ASTN2: variants seen among roughly 807,000 people sequenced by gnomAD.
The protein encoded by ASTN2 is astrotactin-2.
Under a neutral mutation model 139.8 loss-of-function variants are expected in ASTN2, and 54 were observed. The ratio of observed to expected loss-of-function variants is 0.39; its 90% CI spans 0.31 to 0.48. The LOEUF (loss-of-function observed/expected upper bound fraction) is 0.48, where lower values mean the gene tolerates loss of function less well. Ranked by LOEUF, ASTN2 falls within the 20% of genes least tolerant of loss-of-function variation. The probability of loss-of-function intolerance (pLI) is 0.95; values close to 1 mark genes in which losing one functional copy is unlikely to be tolerated. For synonymous variants in ASTN2, 756 were observed against 719.5 expected (o/e 1.05, Z -0.81); for missense variants, 1,565 against 1,725.1 (o/e 0.91, Z 1.64).
At chr9:116,823,480 T>A (rs1287143161) in intron 11 of ASTN2, among the ~76,000 whole-genome samples, 1 of 152,218 alleles carries the variant, frequency 6.6e-6, no homozygotes, top group Non-Finnish European at 1.5e-5. Context: ...GAAGTTAGAA[T>A]AAGGCAGGGC....
In ASTN2 at chr9:116,990,787, C is replaced by A. The variant is rs975264810; in HGVS notation, c.1592-14002G>T. Among the ~76,000 whole-genome samples the A allele has an allele frequency of 3.3e-5, 5 of 152,266 alleles. No homozygotes were observed. In the South Asian group the frequency reaches 6.2e-4, roughly 19 times the overall value. On this transcript the variant is annotated intron_variant, in intron 7 of 22. Coordinates refer to ENST00000313400, the MANE Select transcript of ASTN2 (RefSeq NM_001365068.1). ...CATTTCCTGGGATATAATGGAGAAT[C>A]ATTGTGAGTCATTAAAATTAAGCAA...
At chr9:116,519,379 G>A (rs1261067735) in intron 19 of ASTN2, among the ~76,000 whole-genome samples, 3 of 151,878 alleles carry the variant, frequency 2.0e-5, no homozygotes, top group African/African-American at 4.8e-5. Context: ...CAAATACATG[G>A]AAATTAAATA....
chr9:116,489,200 A>G (rs1223988817), intron 19 of ASTN2, among the ~76,000 whole-genome samples: 2 of 152,228 alleles, frequency 1.3e-5, no homozygotes, highest in African/African-American at 4.8e-5. Context: ...CTCGTGTTTC[A>G]GAAGATTAGG....
intron 19 of ASTN2, among the ~76,000 whole-genome samples, chr9:116,528,078 G>T (rs558446779): frequency 7.9e-5 from 12 of 152,162 alleles, no homozygotes; most frequent in African/African-American, 9.7e-5. Flanking sequence ...ACTTTGGAAG[G>T]GGGTAACAGG....
At chr9:116,710,678 A>G (rs981091104) in intron 16 of ASTN2, among the ~76,000 whole-genome samples, 1 of 134,394 alleles carries the variant, frequency 7.4e-6, no homozygotes, top group Non-Finnish European at 1.5e-5. Flanking sequence ...GGTTGCGGTG[A>G]GCTGAGATCA....
Position 116,723,449 on chromosome 9 carries a change from C to T in ASTN2, c.2806+2322G>A, listed in dbSNP as rs1588240373. Among the ~76,000 whole-genome samples, 3 of 151,900 alleles carry T rather than the reference C, an allele frequency of 2.0e-5. No individual in the cohort carries two copies. In the Middle Eastern group the frequency reaches 0.01, roughly 520 times the overall value. On this transcript the variant is annotated intron_variant, in intron 16 of 22. Coordinates refer to ENST00000313400, the MANE Select transcript of ASTN2 (RefSeq NM_001365068.1). ...AAAGAGGAGTAAAGACATGAAACAC[C>T]CTCCATCCCACTTCAGCACTGCACT...
rs574409039 is a variant in ASTN2 at position 116,841,672 on chromosome 9, C to T, written c.2041-20889G>A. ...CTGAGCCACTTCCTCAATGTGTGCC[C>T]TGGCTGTTCTGAGTCTCAGTTTCCA... On this transcript the variant is annotated intron_variant, in intron 11 of 22. Coordinates refer to ENST00000313400, the MANE Select transcript of ASTN2 (RefSeq NM_001365068.1). 7.2e-5 allele frequency among the ~76,000 whole-genome samples: 11 copies of T among 152,274 alleles called. No individual in the cohort carries two copies. In the East Asian group the frequency reaches 1.7e-3, roughly 24 times the overall value.
intron 4 of ASTN2, among the ~76,000 whole-genome samples, chr9:117,124,202 G>A (rs1317464034): frequency 2.0e-5 from 3 of 152,044 alleles, no homozygotes; most frequent in African/African-American, 2.4e-5. Context: ...GTAAACCAGG[G>A]TTGGGGGCCC....
intron 4 of ASTN2, among the ~76,000 whole-genome samples, chr9:117,135,320 C>T (rs1829925193): frequency 6.6e-6 from 1 of 152,082 alleles, no homozygotes; most frequent in African/African-American, 2.4e-5. Flanking sequence ...TAGTACTTAC[C>T]TTATGGGTTA....
intron 11 of ASTN2, among the ~76,000 whole-genome samples, chr9:116,844,324 G>A (rs1832359265): frequency 6.6e-6 from 1 of 152,112 alleles, no homozygotes; most frequent in South Asian, 2.1e-4. Context: ...ACGGTTTCTG[G>A]GTCACAGTCT....
chr9:117,338,211 AT>A (rs937225599), intron 1 of ASTN2, among the ~76,000 whole-genome samples: 1 of 151,994 alleles, frequency 6.6e-6, no homozygotes, highest in African/African-American at 2.4e-5. Flanking sequence ...GTTAATTATT[AT>A]TTTCTACTCA....
chr9:117,123,011 C>A (rs769525767), intron 4 of ASTN2, among the ~76,000 whole-genome samples: 1 of 152,080 alleles, frequency 6.6e-6, no homozygotes, highest in African/African-American at 2.4e-5. Context: ...CTCCAGGATA[C>A]CCCTGGCCCT....
rs760551210 is a variant in ASTN2 at position 116,725,893 on chromosome 9, G to A, written c.2684C>T (p.Ser895Phe). The change falls in exon 16 of 23, where the codon TCC becomes TTC. Residue 895 changes from serine (S) to phenylalanine (F), a missense_variant. This residue lies in a region of ASTN2 where 503 missense variants were observed against 591.7 expected (regional missense o/e 0.85). Transcript: ENST00000313400. ...TKESSREELL[S>F]FIQHYGSHYI... ...GTGGGAGCCATAGTGCTGGATGAAG[G>A]ACAGCAGCTCCTCCCGACTGCTCTC... 2 of 1,614,036 alleles carry A rather than the reference G, an allele frequency of 1.2e-6. No individual in the cohort carries two copies. Among genetic ancestry groups the A allele is most frequent in the South Asian group, 2.2e-5 (2 of 91,072 alleles).
In ASTN2 at chr9:116,510,692, C is replaced by T. The variant is rs556674185; in HGVS notation, c.3356-23192G>A. Among the ~76,000 whole-genome samples the T allele has an allele frequency of 1.3e-3, 205 of 152,168 alleles. 2 individuals carry two copies. Among genetic ancestry groups the T allele is most frequent in the Non-Finnish European group, 2.2e-3 (147 of 67,986 alleles). The stretch of plus-strand genomic sequence containing the variant: ...TTTTATTTCGTTGAGCAGTGGTTTG[C>T]AGTTCTCCTTGAAGAGGTCCTTCAC... On this transcript the variant is annotated intron_variant, in intron 19 of 22. Transcript: ENST00000313400.
At chr9:116,838,208 C>T (rs1453378189) in intron 11 of ASTN2, among the ~76,000 whole-genome samples, 1 of 150,562 alleles carries the variant, frequency 6.6e-6, no homozygotes, top group African/African-American at 2.5e-5. Context: ...CTCCCAGGTT[C>T]ACGCGATTCT....
chr9:117,082,722 G>C (rs566614112), intron 5 of ASTN2, among the ~76,000 whole-genome samples: 1 of 152,324 alleles, frequency 6.6e-6, no homozygotes, highest in South Asian at 2.1e-4. Flanking sequence ...AGAATCACTT[G>C]AACCTGAGAG....
chr9:116,868,548 A>G lies in ASTN2; in HGVS notation c.1890-4815T>C, dbSNP rs565658552. On this transcript the variant is annotated intron_variant, in intron 10 of 22. Transcript: ENST00000313400. ...CCTCCCACAGCCTGATTCCTGGGCC[A>G]TGCATGTGGTCCACAATAGCCTCAA... Among the ~76,000 whole-genome samples, 101 of 152,350 alleles carry G rather than the reference A, an allele frequency of 6.6e-4. 1 individual carries two copies. Among genetic ancestry groups the G allele is most frequent in the Admixed American group, 1.1e-3 (17 of 15,308 alleles).
chr9:117,271,316 C>G (rs1587897210), intron 2 of ASTN2, among the ~76,000 whole-genome samples: 1 of 152,142 alleles, frequency 6.6e-6, no homozygotes, highest in Admixed American at 6.5e-5. Flanking sequence ...CATGAGAATA[C>G]CATGGGAAAG....
intron 1 of ASTN2, among the ~76,000 whole-genome samples, chr9:117,316,905 T>C (rs950271101): frequency 6.6e-6 from 1 of 152,172 alleles, no homozygotes; most frequent in African/African-American, 2.4e-5. Context: ...GCAGTGAGGC[T>C]GAATGGAGAC....
Sources: gnomAD v4.1 joint callset for allele counts (sites outside exome capture counted in the v4.1 genomes callset) on GRCh38, gnomAD v4.1.1 for gene constraint, gnomAD v4.1.1 regional missense constraint, MANE v1.5 for transcripts, NCBI Gene and HGNC (gene_info 2026-07-23, HGNC 2026-07-21) for gene names.